STARD13: variants seen among roughly 807,000 people sequenced by gnomAD.
STARD13 encodes the protein StAR related lipid transfer domain containing 13, also known as stAR-related lipid transfer protein 13.
A neutral mutation model predicts 106.4 loss-of-function variants in STARD13; 62 were observed. That is an observed-to-expected ratio of 0.58 (90% CI 0.48 to 0.72). The LOEUF (loss-of-function observed/expected upper bound fraction) is 0.72. Among genes scored for constraint, STARD13 ranks in the 30% least tolerant of loss-of-function variants. STARD13 has a pLI of 0.00. For missense variants in STARD13, 1,387 were observed against 1,424.0 expected (o/e 0.97, Z 0.42); for synonymous variants, 565 against 553.0 (o/e 1.02, Z -0.31).
chr13:33,594,675 T>G, the STARD13 span, among the ~76,000 whole-genome samples: 1 of 152,298 alleles, frequency 6.6e-6, no homozygotes, highest in South Asian at 2.1e-4. Flanking sequence ...GAATTCCTCA[T>G]TCCTGCCTCT....
chr13:33,556,087 CTG>C, the STARD13 span, among the ~76,000 whole-genome samples: 2 of 152,134 alleles, frequency 1.3e-5, no homozygotes, highest in African/African-American at 4.8e-5. Flanking sequence ...ACTGTTAAAA[CTG>C]GCATTTTGCA....
the STARD13 span, among the ~76,000 whole-genome samples, chr13:33,622,857 T>C: frequency 7.0e-6 from 1 of 143,762 alleles, no homozygotes; most frequent in Non-Finnish European, 1.5e-5. Flanking sequence ...GAGTCAGAGG[T>C]TGCAGTGAGC....
Position 33,129,284 on chromosome 13 carries a change from A to G in STARD13, c.1393T>C (p.Ser465Pro), listed in dbSNP as rs565448946. The change falls in exon 5 of 14, where the codon TCC (serine) becomes CCC (proline). Residue 465 changes from serine to proline, a missense_variant. By Grantham distance (74) the Ser-to-Pro change is moderately conservative. Transcript: ENST00000336934. ...TCTCCTGTGCTGGCATACAGATGGG[A>G]GCCAGGGACATTGTCATAGATACTG... Reference protein sequence around the residue: ...RVSIYDNVPGSHLYASTGDLL... With the variant: ...RVSIYDNVPGPHLYASTGDLL... 3.7e-6 allele frequency: 6 copies of G among 1,614,110 alleles called. No individual in the cohort carries two copies. The South Asian group carries it at 5.5e-5, about 15-fold the overall frequency.
At chr13:33,633,718 T>A in the STARD13 span, among the ~76,000 whole-genome samples, 3 of 152,184 alleles carry the variant, frequency 2.0e-5, no homozygotes, top group Non-Finnish European at 2.9e-5. Flanking sequence ...TTCAACAATT[T>A]TATGTGAAAG....
rs571531536 is a variant in STARD13, at chr13:33,350,306, C to T, written c.108G>A (p.Arg36=). 5.2e-6 allele frequency: 8 copies of T among 1,532,814 alleles called. No homozygotes were observed. In the South Asian group the frequency reaches 9.6e-5, roughly 18 times the overall value. The allele number at this position is 1,532,814 out of a possible 1,614,324, so 95.0% of individuals were successfully genotyped here. Residue 36 remains arginine, a synonymous_variant, in exon 1 of 2, where the codon CGG becomes CGA. Coordinates refer to the STARD13 transcript ENST00000439831. ...GGCACTGACCTGCCAGCCGCCTCTC[C>T]CGGACGTTCTTCCACAGCAGATCCC...
intron 1 of STARD13, among the ~76,000 whole-genome samples, chr13:33,188,509 C>T (rs527378810): frequency 3.9e-5 from 6 of 152,298 alleles, no homozygotes; most frequent in Admixed American, 3.9e-4. Context: ...CACATGCACA[C>T]ATACTCAACT....
chr13:33,333,527 G>A (rs7331813), intron 1 of STARD13, among the ~76,000 whole-genome samples: 113,327 of 152,146 alleles, frequency 0.74, 42,862 homozygotes, highest in East Asian at 0.97. Flanking sequence ...GGAGGCTGGA[G>A]GGTAGGAGTT....
At chr13:33,353,296 G>A (rs1296855737), upstream of STARD13, among the ~76,000 whole-genome samples, 1 of 152,144 alleles carries the variant, frequency 6.6e-6, no homozygotes, top group Non-Finnish European at 1.5e-5. Context: ...CTCAATGAAC[G>A]TGATCTTGCC....
chr13:33,149,480 T>G (rs1247622916), intron 3 of STARD13, among the ~76,000 whole-genome samples: 2 of 152,266 alleles, frequency 1.3e-5, no homozygotes, highest in Non-Finnish European at 2.9e-5. Context: ...TCTTCTGTTC[T>G]TGGTTTACTT....
At position 33,233,289 on chromosome 13, in the gene STARD13, G is replaced by A. The variant is rs2138218319; in HGVS notation, c.169+52181C>T. Among the ~76,000 whole-genome samples, 2 of 152,178 alleles carry A rather than the reference G, an allele frequency of 1.3e-5. 1 individual carries two copies. Among genetic ancestry groups the A allele is most frequent in the South Asian group, 4.1e-4 (2 of 4,826 alleles). ...TACATATACCTACCCTTTCCTAATT[G>A]GTTTTCTACACTGTCAGGCCCACCT... On this transcript the variant is annotated intron_variant, in intron 1 of 13. Transcript: ENST00000336934.
chr13:33,118,641 C>T (rs1875772225), intron 7 of STARD13, among the ~76,000 whole-genome samples: 1 of 152,168 alleles, frequency 6.6e-6, no homozygotes, highest in Non-Finnish European at 1.5e-5. Flanking sequence ...GTGAGCAGAA[C>T]AGATAAAATT....
the STARD13 span, among the ~76,000 whole-genome samples, chr13:33,446,815 C>G: frequency 6.6e-6 from 1 of 152,146 alleles, no homozygotes; most frequent in Admixed American, 6.5e-5. Context: ...TTTTAATAAG[C>G]ATTCTTGACA....
Position 33,105,398 on chromosome 13 carries a change from C to T in STARD13, c.*195G>A. 1 of 547,360 alleles carries T rather than the reference C, an allele frequency of 1.8e-6. No homozygotes were observed. Among genetic ancestry groups the T allele is most frequent in the Non-Finnish European group, 3.3e-6 (1 of 305,312 alleles). 33.9% of individuals were successfully genotyped at this position (547,360 alleles called of 1,614,324 possible). ...TAAAATTATATTAGTAGGGATGTAG[C>T]CATCTCCAGGAAGGCTAAGAAAGTT... On this transcript the variant is annotated 3_prime_UTR_variant, in exon 14 of 14. Coordinates refer to ENST00000336934, the MANE Select transcript of STARD13 (RefSeq NM_178006.4).
chr13:33,112,639 C>A, intron 9 of STARD13, 82 bp downstream of exon 9: 1 of 1,028,980 alleles, frequency 9.7e-7, no homozygotes, highest in Non-Finnish European at 1.4e-6. Context: ...ATCTATCTAT[C>A]CATCCATCCA....
chr13:33,478,087 C>T, the STARD13 span, among the ~76,000 whole-genome samples: 9 of 152,272 alleles, frequency 5.9e-5, no homozygotes, highest in East Asian at 1.9e-4. Flanking sequence ...CCCTCCAATT[C>T]GTGTTTTCCT....
intron 2 of STARD13, among the ~76,000 whole-genome samples, chr13:33,165,801 C>G (rs903821137): frequency 9.2e-5 from 14 of 152,156 alleles, no homozygotes; most frequent in Non-Finnish European, 1.3e-4. Context: ...CTTAATTTGG[C>G]AGATTTTTTT....
the STARD13 span, among the ~76,000 whole-genome samples, chr13:33,398,543 T>C: frequency 1.3e-5 from 2 of 152,140 alleles, no homozygotes; most frequent in Non-Finnish European, 2.9e-5. Context: ...GGAAAAATAT[T>C]TGCAGTACAT....
At chr13:33,547,307 C>A in the STARD13 span, among the ~76,000 whole-genome samples, 1 of 152,184 alleles carries the variant, frequency 6.6e-6, no homozygotes, top group Non-Finnish European at 1.5e-5. Context: ...AAGCAAATTT[C>A]TGTTAAACAC....
intron 1 of STARD13, among the ~76,000 whole-genome samples, chr13:33,234,839 T>C (rs1366651299): frequency 6.6e-6 from 1 of 152,244 alleles, no homozygotes; most frequent in Non-Finnish European, 1.5e-5. Context: ...AATGATGGCA[T>C]ACAACTCCTT....
Sources: gnomAD v4.1 joint callset for allele counts (sites outside exome capture counted in the v4.1 genomes callset) on GRCh38, gnomAD v4.1.1 for gene constraint, MANE v1.5 for transcripts, NCBI Gene and HGNC (gene_info 2026-07-23, HGNC 2026-07-21) for gene names.